The following AGAP5 variants were observed in gnomAD, a reference collection of about 807,000 sequenced individuals.
AGAP5 encodes ArfGAP with GTPase domain, ankyrin repeat and PH domain 5.
Under a neutral mutation model 27.7 loss-of-function variants are expected in AGAP5, and 8 were observed. The observed-to-expected ratio is 0.29, with a 90% CI of 0.17 to 0.52. The LOEUF is 0.52. Among genes scored for constraint, AGAP5 ranks in the 20% least tolerant of loss-of-function variants. The pLI is 0.97. For synonymous variants in AGAP5, 111 were observed against 338.0 expected (o/e 0.33, Z 7.37); for missense variants, 285 against 880.8 (o/e 0.32, Z 8.56).
rs1055079616 is a variant in AGAP5, at chr10:73,689,856, T to TG, written c.396+2186dup. The stretch of plus-strand genomic sequence containing the variant: ...GCAGCCACCCCATCCAGGAGGGAGG[T>TG]GGGGGGGGTCAGCCCCCCGCCCGGC... On this transcript the variant is annotated intron_variant, in intron 4 of 7. Coordinates refer to ENST00000374094, the MANE Select transcript of AGAP5 (RefSeq NM_001144000.4). Among the ~76,000 whole-genome samples, 830 of 144,442 alleles carry TG rather than the reference T, an allele frequency of 5.7e-3. 7 individuals are homozygous for TG. Among genetic ancestry groups the TG allele is most frequent in the African/African-American group, 0.019 (717 of 38,220 alleles). 94.8% of individuals were successfully genotyped at this position (144,442 alleles called of 152,430 possible). A position where few individuals can be genotyped will look rare whatever the true frequency, so the allele number is the denominator to read the frequency against.
chr10:73,697,795 C>T lies in AGAP5; in HGVS notation c.-40G>A, dbSNP rs779993798. 13 of 1,595,764 alleles carry T rather than the reference C, an allele frequency of 8.1e-6. No homozygotes were observed. Among genetic ancestry groups the T allele is most frequent in the South Asian group, 1.1e-5 (1 of 90,798 alleles). On this transcript the variant is annotated 5_prime_UTR_variant, in exon 1 of 8. Transcript: ENST00000374094. ...GTCTGCCACCACCTGTGCCTCTGCT[C>T]ACAGCTTTGGCCACACACTCCCACT...
At position 73,697,965 on chromosome 10, in the gene AGAP5, C is replaced by T. The variant is rs1255880041; in HGVS notation, c.-210G>A. ...CGGGTCAAGGCCCACACCCTGCTGC[C>T]TCCCCTGAGTTGACTTGTCTGGGAG... is the stretch of plus-strand genomic sequence containing the variant. On this transcript the variant is annotated 5_prime_UTR_variant, in exon 1 of 8. Transcript: ENST00000374094. 1.3e-6 allele frequency: 2 copies of T among 1,501,042 alleles called. No individual in the cohort carries two copies. The highest frequency in any genetic ancestry group is 4.9e-5 in the East Asian group (2 of 40,580). 93.0% of individuals were successfully genotyped at this position (1,501,042 alleles called of 1,614,324 possible). A position where few individuals can be genotyped will look rare whatever the true frequency, so the allele number is the denominator to read the frequency against.
intron 4 of AGAP5, among the ~76,000 whole-genome samples, chr10:73,691,492 C>CT (rs770330986): frequency 0.011 from 1,447 of 132,858 alleles, 20 homozygotes; most frequent in East Asian, 0.05. Context: ...ATTTAAGGCA[C>CT]TTTTTTTTTT....
chr10:73,688,612 A>G (rs1406620159), intron 4 of AGAP5, among the ~76,000 whole-genome samples: 1 of 152,060 alleles, frequency 6.6e-6, no homozygotes, highest in Non-Finnish European at 1.5e-5. Context: ...TAAAAAGACA[A>G]ACTGAAAAAA....
Position 73,697,873 on chromosome 10 carries a change from C to A in AGAP5, c.-118G>T. 6.5e-7 allele frequency: 1 copy of A among 1,545,158 alleles called. No individual in the cohort carries two copies. The highest frequency in any genetic ancestry group is 8.7e-7 in the Non-Finnish European group (1 of 1,151,644). ...GCAGAGATGGTCTTCCCGCTCCTCG[C>A]CTGCCCACCTCACAGCGCGGCCCCG... On this transcript the variant is annotated 5_prime_UTR_variant, in exon 1 of 8. Coordinates refer to ENST00000374094, the MANE Select transcript of AGAP5 (RefSeq NM_001144000.4).
At chr10:73,690,567 C>T (rs2082108855) in intron 4 of AGAP5, among the ~76,000 whole-genome samples, 1 of 147,670 alleles carries the variant, frequency 6.8e-6, no homozygotes, top group South Asian at 2.1e-4. Context: ...GTGACCCTGC[C>T]AAATCCCCCT....
intron 4 of AGAP5, among the ~76,000 whole-genome samples, chr10:73,690,817 G>A (rs2082111430): frequency 1.3e-5 from 2 of 152,176 alleles, no homozygotes; most frequent in African/African-American, 2.4e-5. Flanking sequence ...CAGCAGTTAC[G>A]TGAGATCCCA....
intron 3 of AGAP5, 124 bp downstream of exon 3, chr10:73,694,612 A>G: frequency 6.4e-7 from 1 of 1,557,400 alleles, no homozygotes; most frequent in Non-Finnish European, 8.7e-7. Flanking sequence ...TTAAAATAAG[A>G]CAAGTGAACA....
intron 4 of AGAP5, among the ~76,000 whole-genome samples, chr10:73,685,307 G>C (rs1318228852): frequency 7.0e-6 from 1 of 143,230 alleles, no homozygotes; most frequent in Non-Finnish European, 1.5e-5. Flanking sequence ...TATTATGTTG[G>C]TTGTGGGTTT....
intron 6 of AGAP5, among the ~76,000 whole-genome samples, chr10:73,677,018 A>T (rs1183717383): frequency 1.3e-5 from 2 of 152,108 alleles, no homozygotes; most frequent in African/African-American, 4.8e-5. Flanking sequence ...GACTCTCCCT[A>T]ACAGGCCATG....
At chr10:73,685,808 C>A (rs930241498) in intron 4 of AGAP5, among the ~76,000 whole-genome samples, 4 of 152,096 alleles carry the variant, frequency 2.6e-5, no homozygotes, top group Non-Finnish European at 5.9e-5. Flanking sequence ...GCCTTAGCCT[C>A]CCAAAGTGCT....
intron 5 of AGAP5, among the ~76,000 whole-genome samples, chr10:73,680,510 C>T (rs989729515): frequency 8.7e-6 from 1 of 115,012 alleles, no homozygotes; most frequent in Non-Finnish European, 1.8e-5. Context: ...CTCCACCACC[C>T]AGGTTCAAGC....
At chr10:73,678,079 ACAT>A (rs1463115915) in intron 6 of AGAP5, among the ~76,000 whole-genome samples, 1 of 152,034 alleles carries the variant, frequency 6.6e-6, no homozygotes, top group African/African-American at 2.4e-5. Flanking sequence ...TTTTCACAGA[ACAT>A]CATTTTTATT....
intron 7 of AGAP5, among the ~76,000 whole-genome samples, chr10:73,676,361 T>G (rs1440189070): frequency 1.5e-5 from 2 of 135,048 alleles, no homozygotes; most frequent in South Asian, 4.7e-4. Flanking sequence ...ATGCCTGTAA[T>G]TCCAGTTACT....
intron 1 of AGAP5, among the ~76,000 whole-genome samples, 160 bp from the exon 2 acceptor site, chr10:73,697,323 G>C (rs1398608226): frequency 6.6e-6 from 1 of 152,100 alleles, no homozygotes; most frequent in Non-Finnish European, 1.5e-5. Context: ...GCGATTGGGA[G>C]GGGAGGCGAA....
In AGAP5 at chr10:73,687,670, A is replaced by G. The variant is rs568690950; in HGVS notation, c.396+4373T>C. On this transcript the variant is annotated intron_variant, in intron 4 of 7. Coordinates refer to ENST00000374094, the MANE Select transcript of AGAP5 (RefSeq NM_001144000.4). ...TTAATTTAAAAAGTTCTCTGCCTTAATATCATTAATTATACTCAAATTAGA... is the reference window on the plus strand; with the variant it reads ...TTAATTTAAAAAGTTCTCTGCCTTAGTATCATTAATTATACTCAAATTAGA... Among the ~76,000 whole-genome samples, 3 of 152,356 alleles carry G rather than the reference A, an allele frequency of 2.0e-5. No individual in the cohort carries two copies. The South Asian group carries it at 6.2e-4, about 32-fold the overall frequency.
At chr10:73,688,906 C>A (rs981602455) in intron 4 of AGAP5, among the ~76,000 whole-genome samples, 1 of 152,200 alleles carries the variant, frequency 6.6e-6, no homozygotes, top group Non-Finnish European at 1.5e-5. Context: ...AAGAACAACA[C>A]TGTAATAAGA....
chr10:73,690,462 C>T (rs1418662111), intron 4 of AGAP5, among the ~76,000 whole-genome samples: 5 of 152,116 alleles, frequency 3.3e-5, no homozygotes, highest in South Asian at 2.1e-4. Flanking sequence ...CCCAGGGACA[C>T]AAACACTGCG....
chr10:73,691,909 G>T (rs61842821), intron 4 of AGAP5, 134 bp downstream of exon 4: 329,757 of 669,392 alleles, frequency 0.49, 76,707 homozygotes, highest in Middle Eastern at 0.63. Flanking sequence ...CAGGAAAATA[G>T]AAGAGATTTA....
Sources: allele counts gnomAD v4.1 joint callset (sites outside exome capture counted in the v4.1 genomes callset), GRCh38; gene constraint gnomAD v4.1.1; transcripts MANE v1.5; gene names NCBI Gene and HGNC (gene_info 2026-07-23, HGNC 2026-07-21).